The following MTA3 variants were observed in gnomAD, a reference collection of about 807,000 sequenced individuals.
MTA3 encodes metastasis-associated protein MTA3.
In MTA3, 34 loss-of-function variants were observed where a neutral mutation model predicts 83.5. The ratio of observed to expected loss-of-function variants is 0.41; its 90% CI spans 0.31 to 0.54. The LOEUF (loss-of-function observed/expected upper bound fraction) is 0.54. MTA3 is among the 20% of genes least tolerant of loss of function. The probability of loss-of-function intolerance (pLI) is 0.33; values close to 1 mark genes in which losing one functional copy is unlikely to be tolerated. For synonymous variants in MTA3, 303 were observed against 252.7 expected, an observed-to-expected ratio of 1.20 and a Z score of -1.89; for missense variants, 761 against 726.4, an observed-to-expected ratio of 1.05 and a Z score of -0.55.
At chr2:42,600,328 T>C (rs999667788) in intron 3 of MTA3, among the ~76,000 whole-genome samples, 1 of 152,166 alleles carries the variant, frequency 6.6e-6, no homozygotes, top group Non-Finnish European at 1.5e-5. Context: ...TGAAATGTAC[T>C]ATAGCAGATG....
intron 4 of MTA3, among the ~76,000 whole-genome samples, chr2:42,610,823 G>A (rs1684101474): frequency 6.6e-6 from 1 of 152,090 alleles, no homozygotes; most frequent in African/African-American, 2.4e-5. Context: ...GGGTAAGGAT[G>A]TGTGAGCAAG....
intron 15 of MTA3, among the ~76,000 whole-genome samples, chr2:42,720,851 G>A (rs1394686686): frequency 6.6e-6 from 1 of 150,882 alleles, no homozygotes; most frequent in Non-Finnish European, 1.5e-5. Flanking sequence ...AGGAGACTGA[G>A]GTGGGAGGAT....
In MTA3 at chr2:42,659,756, T is replaced by A; in HGVS notation, c.603-7T>A. ...ATTCTTCCTTATTGTGTTTGTGGTT[T>A]ATTCAGTGCTGTTGGGACATTCGCC... On this transcript the variant is annotated splice_region_variant and splice_polypyrimidine_tract_variant and intron_variant, in intron 7 of 16. Coordinates refer to ENST00000405094, the MANE Select transcript of MTA3 (RefSeq NM_001330442.2). 1 of 1,549,980 alleles carries A rather than the reference T, an allele frequency of 6.5e-7. No individual in the cohort carries two copies. The highest frequency in any genetic ancestry group is 8.7e-7 in the Non-Finnish European group (1 of 1,149,176).
intron 3 of MTA3, among the ~76,000 whole-genome samples, chr2:42,609,154 C>G (rs1683872286): frequency 6.6e-6 from 1 of 151,728 alleles, no homozygotes; most frequent in Non-Finnish European, 1.5e-5. Context: ...CCTCAGCCTC[C>G]CGAGTAGCTG....
chr2:42,682,603 T>G lies in MTA3; in HGVS notation c.891+14T>G. Reference sequence around the variant, plus strand: ...CGGCAAGATTTTGTAAGTAGAAAATTATGAGTAAAATAAAATGTTGAGATG... The same window carrying G: ...CGGCAAGATTTTGTAAGTAGAAAATGATGAGTAAAATAAAATGTTGAGATG... On this transcript the variant is annotated intron_variant, in intron 9 of 16. Transcript: ENST00000405094. 6.3e-7 allele frequency: 1 copy of G among 1,595,066 alleles called. No homozygotes were observed.
chr2:42,718,079 A>C (rs916262385), intron 14 of MTA3, among the ~76,000 whole-genome samples: 6 of 145,084 alleles, frequency 4.1e-5, no homozygotes, highest in African/African-American at 1.5e-4. Context: ...AGTGTTTTCC[A>C]TATTACTCTG....
intron 8 of MTA3, among the ~76,000 whole-genome samples, chr2:42,674,309 T>C (rs1284465284): frequency 6.6e-6 from 1 of 152,180 alleles, no homozygotes; most frequent in Non-Finnish European, 1.5e-5. Context: ...CTACCCATAG[T>C]GTGGTTCTGC....
At chr2:42,617,001 T>C (rs1169808860) in intron 4 of MTA3, among the ~76,000 whole-genome samples, 1 of 152,218 alleles carries the variant, frequency 6.6e-6, no homozygotes, top group African/African-American at 2.4e-5. Flanking sequence ...CCTCGGACTT[T>C]TAAATGGAAT....
chr2:42,627,725 A>ATTGTTTTTTTT (rs1686250229), intron 4 of MTA3, among the ~76,000 whole-genome samples: 1 of 103,384 alleles, frequency 9.7e-6, no homozygotes, highest in African/African-American at 4.0e-5. Context: ...GCCTGGCTAA[A>ATTGTTTTTTTT]TTTTTTTTTT....
intron 3 of MTA3, among the ~76,000 whole-genome samples, chr2:42,607,782 C>G (rs1683663107): frequency 6.6e-6 from 1 of 152,138 alleles, no homozygotes; most frequent in Admixed American, 6.5e-5. Flanking sequence ...GAAACCCTGT[C>G]TCTACTAAAA....
intron 8 of MTA3, among the ~76,000 whole-genome samples, chr2:42,667,465 C>A (rs1690325928): frequency 6.6e-6 from 1 of 152,048 alleles, no homozygotes; most frequent in African/African-American, 2.4e-5. Context: ...AATTTGACGG[C>A]TCTCAGTATC....
chr2:42,744,570 G>T (rs992865493), intron 16 of MTA3, among the ~76,000 whole-genome samples: 1 of 152,166 alleles, frequency 6.6e-6, no homozygotes, highest in African/African-American at 2.4e-5. Context: ...CCCATAGAAG[G>T]TGACCTCTGA....
chr2:42,575,535 T>G (rs1558449244), intron 2 of MTA3, among the ~76,000 whole-genome samples: 1 of 152,200 alleles, frequency 6.6e-6, no homozygotes, highest in African/African-American at 2.4e-5. Flanking sequence ...CCAGGTACTT[T>G]TAGACAGTGA....
At chr2:42,749,648 A>C (rs1341933258) in intron 16 of MTA3, among the ~76,000 whole-genome samples, 40 of 151,844 alleles carry the variant, frequency 2.6e-4, no homozygotes, top group Admixed American at 2.6e-3. Flanking sequence ...TTGTAGTTTT[A>C]GGAGAGACAG....
chr2:42,587,120 G>T (rs965213745), intron 3 of MTA3, among the ~76,000 whole-genome samples: 1 of 152,140 alleles, frequency 6.6e-6, no homozygotes, highest in African/African-American at 2.4e-5. Flanking sequence ...TTGAACCCAG[G>T]AGGCGGAGGT....
At chr2:42,710,587 A>T (rs1197247812) in intron 14 of MTA3, among the ~76,000 whole-genome samples, 1 of 151,268 alleles carries the variant, frequency 6.6e-6, no homozygotes, top group African/African-American at 2.4e-5. Context: ...AAGTGGTAGC[A>T]ATGTCAGAGT....
At chr2:42,698,279 A>T (rs1172719725) in intron 11 of MTA3, 1 of 152,360 alleles carries the variant, frequency 6.6e-6, no homozygotes, top group Non-Finnish European at 1.5e-5. Flanking sequence ...TAAATGTGTG[A>T]TAAATAATGG....
At chr2:42,621,131 A>AGT (rs1432230819) in intron 4 of MTA3, among the ~76,000 whole-genome samples, 1 of 16,352 alleles carries the variant, frequency 6.1e-5, no homozygotes, top group Admixed American at 1.1e-3. Flanking sequence ...CTCTTATTAG[A>AGT]GTTTTTTTTT....
intron 2 of MTA3, among the ~76,000 whole-genome samples, chr2:42,571,963 T>C (rs1439526340): frequency 7.2e-6 from 1 of 138,296 alleles, no homozygotes; most frequent in African/African-American, 2.7e-5. Flanking sequence ...AAAAAAAAAA[T>C]TGAAGGGAAT....
Sources: gnomAD v4.1 joint callset for allele counts (sites outside exome capture counted in the v4.1 genomes callset) on GRCh38, gnomAD v4.1.1 for gene constraint, MANE v1.5 for transcripts, NCBI Gene and HGNC (gene_info 2026-07-23, HGNC 2026-07-21) for gene names.